The following FBXL3 variants were observed in gnomAD, a reference collection of about 807,000 sequenced individuals.
The protein encoded by FBXL3 is F-box/LRR-repeat protein 3.
In FBXL3, 14 loss-of-function variants were observed where a neutral mutation model predicts 37.9. That is an observed-to-expected ratio of 0.37 (90% CI 0.24 to 0.58). FBXL3 has a LOEUF of 0.58. Ranked by LOEUF, FBXL3 falls within the 20% of genes least tolerant of loss-of-function variation. The pLI, the probability that FBXL3 is intolerant of heterozygous loss-of-function variation, is 0.74. For synonymous variants in FBXL3, 194 were observed against 180.1 expected, an observed-to-expected ratio of 1.08 and a Z score of -0.62; for missense variants, 327 against 511.1, an observed-to-expected ratio of 0.64 and a Z score of 3.47.
Position 77,006,931 on chromosome 13 carries a change from C to T in FBXL3, c.*214G>A, listed in dbSNP as rs367644997. Reference sequence around the variant, plus strand: ...CATCCGAACCACATTAAAAAAAATTCGGAGATATGACTGCTATTACACTAA... The same window carrying T: ...CATCCGAACCACATTAAAAAAAATTTGGAGATATGACTGCTATTACACTAA... On this transcript the variant is annotated 3_prime_UTR_variant, in exon 5 of 5. Transcript: ENST00000355619. 5.7e-5 allele frequency: 78 copies of T among 1,359,926 alleles called. No homozygotes were observed. The highest frequency in any genetic ancestry group is 4.0e-4 in the East Asian group (15 of 37,284). The allele number at this position is 1,359,926 out of a possible 1,614,324, so 84.2% of individuals were successfully genotyped here.
chr13:77,018,514 A>T, intron 3 of FBXL3, 86 bp downstream of exon 3: 1 of 1,093,604 alleles, frequency 9.1e-7, no homozygotes, highest in Non-Finnish European at 1.2e-6. Context: ...AACTTTCCTT[A>T]TACTCACACT....
intron 2 of FBXL3, chr13:77,019,029 C>T (rs182063350): frequency 4.8e-6 from 1 of 206,566 alleles, no homozygotes; most frequent in East Asian, 1.1e-4. Context: ...GGCTTTTACA[C>T]TGATTTATTC....
rs560551710 is a variant in FBXL3, at chr13:77,015,525, G to A, written c.527C>T (p.Ser176Leu). The change falls in exon 4 of 5, where the codon TCG (serine) becomes TTG (leucine). Residue 176 changes from serine (S) to leucine (L), a missense_variant. Ser to Leu is a moderately radical substitution (Grantham distance 145). Coordinates refer to ENST00000355619, the MANE Select transcript of FBXL3 (RefSeq NM_012158.4). ...VVFVNSKSLSSLKIDDTPVDD... is the reference protein window; with the variant it reads ...VVFVNSKSLSLLKIDDTPVDD... The stretch of plus-strand genomic sequence containing the variant: ...TACTGGAGTATCATCTATCTTAAGC[G>A]AAGACAGGGATTTGGAGTTTACGAA... The A allele has an allele frequency of 1.9e-6, 3 of 1,604,848 alleles. No homozygotes were observed. The highest frequency in any genetic ancestry group is 2.3e-5 in the East Asian group (1 of 44,390).
At position 77,006,928 on chromosome 13, in the gene FBXL3, A is replaced by AT; in HGVS notation, c.*216dup. On this transcript the variant is annotated 3_prime_UTR_variant, in exon 5 of 5. Transcript: ENST00000355619. ...TCACATCCGAACCACATTAAAAAAA[A>AT]TTCGGAGATATGACTGCTATTACAC... 7.3e-7 allele frequency: 1 copy of AT among 1,366,678 alleles called. No homozygotes were observed. The allele number at this position is 1,366,678 out of a possible 1,614,324, so 84.7% of individuals were successfully genotyped here.
chr13:77,019,483 G>A (rs1274165167), intron 2 of FBXL3, among the ~76,000 whole-genome samples: 1 of 152,196 alleles, frequency 6.6e-6, no homozygotes, highest in African/African-American at 2.4e-5. Flanking sequence ...AAAATGTTAA[G>A]AGTGGATTGT....
intron 1 of FBXL3, among the ~76,000 whole-genome samples, chr13:77,025,352 G>A (rs1352667529): frequency 6.6e-6 from 1 of 152,180 alleles, no homozygotes; most frequent in Non-Finnish European, 1.5e-5. Context: ...ACTACAAACT[G>A]CTAAATAGCA....
chr13:77,016,128 G>A (rs1032958519), intron 3 of FBXL3: 6 of 152,050 alleles, frequency 3.9e-5, no homozygotes, highest in African/African-American at 1.4e-4. Context: ...TCCTTCAAAT[G>A]TTATCTACAA....
chr13:77,007,070 A>T lies in FBXL3; in HGVS notation c.*75T>A. ...CTGTGCCACAAAATAGTAGAATTAT[A>T]TCAGAACTACAGCAAATAAAACTTT... On this transcript the variant is annotated 3_prime_UTR_variant, in exon 5 of 5. Coordinates refer to ENST00000355619, the MANE Select transcript of FBXL3 (RefSeq NM_012158.4). 6.7e-7 allele frequency: 1 copy of T among 1,497,806 alleles called. No individual in the cohort carries two copies. The highest frequency in any genetic ancestry group is 8.8e-7 in the Non-Finnish European group (1 of 1,131,760). 92.8% of individuals were successfully genotyped at this position (1,497,806 alleles called of 1,614,324 possible). A position where few individuals can be genotyped will look rare whatever the true frequency, so the allele number is the denominator to read the frequency against.
In FBXL3 at chr13:77,007,672, G is replaced by A; in HGVS notation, c.760C>T (p.His254Tyr). 6.2e-7 allele frequency: 1 copy of A among 1,614,124 alleles called. No homozygotes were observed. The highest frequency in any genetic ancestry group is 8.5e-7 in the Non-Finnish European group (1 of 1,180,036). ...TCACTGACTACATCAATGCGCAAAT[G>A]TTCTAATCGAACATGTTTTTCAGAA... ...LSSEKHVRLEHLRIDVVSENP... is the reference protein window; with the variant it reads ...LSSEKHVRLEYLRIDVVSENP... The change falls in exon 5 of 5, where the codon CAT becomes TAT. Residue 254 changes from histidine (H) to tyrosine (Y), a missense_variant. Physicochemically the swap from His to Tyr is moderately conservative, Grantham distance 83. Transcript: ENST00000355619.
intron 3 of FBXL3, 70 bp downstream of exon 3, chr13:77,018,530 T>C (rs1224786417): frequency 7.6e-6 from 10 of 1,320,260 alleles, no homozygotes; most frequent in African/African-American, 3.0e-5. Context: ...ACACTGTCAA[T>C]ACAAAAAAAA....
At chr13:77,013,930 A>G (rs372707590) in intron 4 of FBXL3, 35 of 152,360 alleles carry the variant, frequency 2.3e-4, no homozygotes, top group African/African-American at 7.7e-4. Flanking sequence ...AGAATATACC[A>G]GAATAAAGAG....
intron 4 of FBXL3, among the ~76,000 whole-genome samples, chr13:77,011,344 CAA>C (rs34255078): frequency 3.3e-4 from 25 of 74,904 alleles, no homozygotes; most frequent in Admixed American, 6.6e-4. Flanking sequence ...ACTTTGTCTC[CAA>C]AAAAAAAAAA....
At chr13:77,019,190 C>T (rs1286749214) in intron 2 of FBXL3, 7 of 152,246 alleles carry the variant, frequency 4.6e-5, no homozygotes, top group Non-Finnish European at 1.0e-4. Flanking sequence ...TCACGTGTAT[C>T]ACAACCTGGG....
chr13:77,008,550 T>G (rs1316856055), intron 4 of FBXL3: 1 of 152,238 alleles, frequency 6.6e-6, no homozygotes, highest in Non-Finnish European at 1.5e-5. Context: ...TTGATCTCTC[T>G]GTAAGAGTTC....
intron 1 of FBXL3, among the ~76,000 whole-genome samples, chr13:77,023,491 A>C (rs956637350): frequency 2.6e-5 from 4 of 152,082 alleles, no homozygotes; most frequent in Non-Finnish European, 5.9e-5. Context: ...TTTTTCTTGC[A>C]AACATCTCTT....
At chr13:77,025,672 A>T (rs1477124362) in intron 1 of FBXL3, among the ~76,000 whole-genome samples, 1 of 123,862 alleles carries the variant, frequency 8.1e-6, no homozygotes, top group Admixed American at 1.1e-4. Context: ...TGGGTGACAA[A>T]GTGAGTCCTT....
intron 4 of FBXL3, 114 bp downstream of exon 4, chr13:77,015,293 TAA>T (rs1341471452): frequency 3.1e-6 from 2 of 646,486 alleles, no homozygotes; most frequent in African/African-American, 3.8e-5. Flanking sequence ...AAAAATATTT[TAA>T]AGAGATGAAG....
At position 77,005,540 on chromosome 13, in the gene FBXL3, G is replaced by A. The variant is rs11549464; in HGVS notation, c.*1605C>T. 0.038 allele frequency: 5,733 copies of A among 152,616 alleles called. 217 individuals carry two copies. The highest frequency in any genetic ancestry group is 0.14 in the East Asian group (718 of 5,184). The allele number at this position is 152,616 out of a possible 1,614,324, so 9.5% of individuals were successfully genotyped here. On this transcript the variant is annotated 3_prime_UTR_variant, in exon 5 of 5. Transcript: ENST00000355619. ...AATCAGAGCTTTTTACTATTTAGAAGGAGGGGATATATTACTATAATTGCT... is the reference window on the plus strand; with the variant it reads ...AATCAGAGCTTTTTACTATTTAGAAAGAGGGGATATATTACTATAATTGCT...
intron 2 of FBXL3, among the ~76,000 whole-genome samples, chr13:77,020,269 T>C (rs753086943): frequency 2.6e-5 from 4 of 152,236 alleles, no homozygotes; most frequent in Non-Finnish European, 5.9e-5. Context: ...TAAAAATTAT[T>C]CATTGATTAT....
Sources: allele counts gnomAD v4.1 joint callset (sites outside exome capture counted in the v4.1 genomes callset), GRCh38; gene constraint gnomAD v4.1.1; transcripts MANE v1.5; gene names NCBI Gene and HGNC (gene_info 2026-07-23, HGNC 2026-07-21).